PCDHGA5: variants seen among roughly 807,000 people sequenced by gnomAD.
The protein encoded by PCDHGA5 is protocadherin gamma-A5.
PCDHGA5 carries 36 observed loss-of-function variants against 56.7 expected under a neutral mutation model. That is an observed-to-expected ratio of 0.64 (90% CI 0.49 to 0.84). The LOEUF (loss-of-function observed/expected upper bound fraction) is 0.84. Ranked by LOEUF, PCDHGA5 falls within the 40% of genes least tolerant of loss-of-function variation. The pLI is 0.00. For synonymous variants in PCDHGA5, 563 were observed against 520.2 expected, an observed-to-expected ratio of 1.08 and a Z score of -1.12; for missense variants, 1,305 against 1,201.5, an observed-to-expected ratio of 1.09 and a Z score of -1.27.
rs62379205 is a variant in PCDHGA5, at chr5:141,491,971, T to G, written c.2422-2836T>G. On this transcript the variant is annotated intron_variant, in intron 1 of 3. Coordinates refer to ENST00000518069, the MANE Select transcript of PCDHGA5 (RefSeq NM_018918.3). This position sits in a 1 kb window ranked among gnomAD's most constrained non-coding sequence, Gnocchi z 6.9. ...CCTACACTCAAAAAAGGCCGGGGCC[T>G]CCTTCGAGCTTCCGGTGAATTTCGG... The G allele has an allele frequency of 3.6e-6, 3 of 831,948 alleles. No homozygotes were observed. Among genetic ancestry groups the G allele is most frequent in the Admixed American group, 3.7e-5 (1 of 26,692 alleles). The allele number at this position is 831,948 out of a possible 1,614,324, so 51.5% of individuals were successfully genotyped here.
intron 1 of PCDHGA5, chr5:141,375,763 C>G: frequency 6.2e-7 from 1 of 1,614,242 alleles, no homozygotes; most frequent in South Asian, 1.1e-5. Context: ...ACAATGCGCC[C>G]GAGATCCTGT....
At chr5:141,393,259 G>GAGCACGTT (rs1561641390) in intron 1 of PCDHGA5, 2 of 1,613,874 alleles carry the variant, frequency 1.2e-6, no homozygotes, top group Non-Finnish European at 1.7e-6. Flanking sequence ...GCGGTTCCTG[G>GAGCACGTT]AGCACGTTAT....
intron 1 of PCDHGA5, chr5:141,420,083 A>C (rs2096465782): frequency 2.5e-6 from 4 of 1,614,020 alleles, no homozygotes; most frequent in Non-Finnish European, 3.4e-6. Context: ...GGGTCCCCCC[A>C]ACTACAGTGA....
chr5:141,375,069 A>G (rs746129890), intron 1 of PCDHGA5: 4 of 1,614,040 alleles, frequency 2.5e-6, no homozygotes, highest in South Asian at 2.2e-5. Context: ...GGTCTTCGAG[A>G]CAGAGCGAAA....
intron 1 of PCDHGA5, chr5:141,412,489 T>C (rs1292155082): frequency 6.6e-6 from 1 of 152,176 alleles, no homozygotes; most frequent in East Asian, 1.9e-4. Context: ...TCTTACACAA[T>C]CCTAAGCTAA....
rs1449605701 is a variant in PCDHGA5 at position 141,485,191 on chromosome 5, A to C, written c.2422-9616A>C. ...CGGCAGCAATGCTCCGCAAGGTGAG[A>C]AGCTGGACAGAAATCTGGCGGTGGG... is the stretch of plus-strand genomic sequence containing the variant. On this transcript the variant is annotated intron_variant, in intron 1 of 3. Coordinates refer to ENST00000518069, the MANE Select transcript of PCDHGA5 (RefSeq NM_018918.3). This position sits in a 1 kb window ranked among gnomAD's most constrained non-coding sequence, Gnocchi z 5.7. The C allele has an allele frequency of 6.2e-7, 1 of 1,613,836 alleles. No individual in the cohort carries two copies. The highest frequency in any genetic ancestry group is 1.3e-5 in the African/African-American group (1 of 75,042).
At position 141,486,804 on chromosome 5, in the gene PCDHGA5, C is replaced by G. The variant is rs755001457; in HGVS notation, c.2422-8003C>G. On this transcript the variant is annotated intron_variant, in intron 1 of 3. Transcript: ENST00000518069. This position sits in a 1 kb window ranked among gnomAD's most constrained non-coding sequence, Gnocchi z 5.0. ...CAGGCCCGGGATCGGGGCAACCCAC[C>G]CCTTAGCAGCACTGTAACAGTTCGT... 2 of 1,614,232 alleles carry G rather than the reference C, an allele frequency of 1.2e-6. No homozygotes were observed. The highest frequency in any genetic ancestry group is 3.3e-5 in the Admixed American group (2 of 60,032).
chr5:141,414,134 A>G, intron 1 of PCDHGA5: 1 of 1,595,028 alleles, frequency 6.3e-7, no homozygotes, highest in Non-Finnish European at 8.5e-7. Flanking sequence ...GGTTTCTATG[A>G]AATAGAAATA....
At chr5:141,448,692 G>A (rs913533738) in intron 1 of PCDHGA5, among the ~76,000 whole-genome samples, 6 of 152,072 alleles carry the variant, frequency 3.9e-5, no homozygotes, top group African/African-American at 9.7e-5. Context: ...TGTAATCGCA[G>A]CACTTTGGGA....
chr5:141,421,837 G>A, intron 1 of PCDHGA5: 1 of 1,613,782 alleles, frequency 6.2e-7, no homozygotes. Flanking sequence ...CCTGGACCGA[G>A]AGAAAGAGGC....
chr5:141,498,786 A>T (rs2099785591), intron 2 of PCDHGA5, among the ~76,000 whole-genome samples: 1 of 152,050 alleles, frequency 6.6e-6, no homozygotes, highest in East Asian at 1.9e-4. Context: ...ACAAAATATT[A>T]GCCAGGTGTG....
In PCDHGA5 at chr5:141,491,762, C is replaced by T. The variant is rs1162878124; in HGVS notation, c.2422-3045C>T. The T allele has an allele frequency of 6.4e-7, 1 of 1,572,596 alleles. No homozygotes were observed. The highest frequency in any genetic ancestry group is 1.4e-5 in the African/African-American group (1 of 73,308). ...GGCGGCACTGGAGAAGCCGCCCGTC[C>T]TCATAAGGGATTGAACTTGCATCCA... On this transcript the variant is annotated intron_variant, in intron 1 of 3. Transcript: ENST00000518069. The surrounding 1 kb of genome is among the most constrained non-coding windows in gnomAD (Gnocchi z 6.9).
At chr5:141,495,071 C>A (rs1391869079) in intron 2 of PCDHGA5, among the ~76,000 whole-genome samples, 1 of 152,160 alleles carries the variant, frequency 6.6e-6, no homozygotes, top group Non-Finnish European at 1.5e-5. Flanking sequence ...AAGCTCAATT[C>A]ACATGCTTGC....
chr5:141,383,949 G>A (rs538018556), intron 1 of PCDHGA5: 18 of 1,613,702 alleles, frequency 1.1e-5, no homozygotes, highest in Non-Finnish European at 1.3e-5. Flanking sequence ...TGACTATGAC[G>A]TCTTTAAGTA....
intron 1 of PCDHGA5, among the ~76,000 whole-genome samples, chr5:141,450,750 G>C (rs778218781): frequency 1.1e-4 from 16 of 152,002 alleles, no homozygotes; most frequent in Admixed American, 2.0e-4. Context: ...GCCTCCCAAA[G>C]TGCCGGGATT....
intron 1 of PCDHGA5, among the ~76,000 whole-genome samples, chr5:141,397,238 C>A (rs2093493095): frequency 6.6e-6 from 1 of 151,972 alleles, no homozygotes; most frequent in African/African-American, 2.4e-5. Flanking sequence ...AGAAGAGCAA[C>A]GTAGTAGGGT....
At chr5:141,405,156 T>C in intron 1 of PCDHGA5, 1 of 1,614,042 alleles carries the variant, frequency 6.2e-7, no homozygotes, top group Non-Finnish European at 8.5e-7. Flanking sequence ...TTGGCTGGTG[T>C]GCCCACCTCA....
chr5:141,381,826 C>CT (rs770630741), intron 1 of PCDHGA5, among the ~76,000 whole-genome samples: 11,762 of 74,396 alleles, frequency 0.16, 1,041 homozygotes, highest in Non-Finnish European at 0.18. Flanking sequence ...CTTTCTTCTT[C>CT]TTTTTTTTTT....
chr5:141,407,135 GA>G (rs796659459), intron 1 of PCDHGA5, among the ~76,000 whole-genome samples: 93 of 151,930 alleles, frequency 6.1e-4, no homozygotes, highest in African/African-American at 2.2e-3. Flanking sequence ...TTATTTTTAA[GA>G]AAAAAAAGCT....
Sources: gnomAD v4.1 joint callset for allele counts (sites outside exome capture counted in the v4.1 genomes callset) on GRCh38, gnomAD v4.1.1 for gene constraint, Gnocchi (gnomAD v3.1) non-coding constraint, MANE v1.5 for transcripts, NCBI Gene and HGNC (gene_info 2026-07-23, HGNC 2026-07-21) for gene names.